The following SORCS3 variants were observed in gnomAD, a reference collection of about 807,000 sequenced individuals.
The protein encoded by SORCS3 is sortilin related VPS10 domain containing receptor 3, also known as VPS10 domain-containing receptor SorCS3.
In SORCS3, 57 loss-of-function variants were observed where a neutral mutation model predicts 146.3. The ratio of observed to expected loss-of-function variants is 0.39; its 90% CI spans 0.31 to 0.49. The LOEUF is 0.49. Ranked by LOEUF, SORCS3 falls within the 20% of genes least tolerant of loss-of-function variation. SORCS3 has a pLI of 0.92. For synonymous variants in SORCS3, 653 were observed against 618.5 expected (o/e 1.06, Z -0.83); for missense variants, 1,341 against 1,575.5 (o/e 0.85, Z 2.52).
rs201732767 is a variant in SORCS3, at chr10:105,257,110, CTCTA to C, written c.3443+192_3443+195del. 4.5e-3 allele frequency among the ~76,000 whole-genome samples: 691 copies of C among 152,280 alleles called. 1 individual carries two copies. Among genetic ancestry groups the C allele is most frequent in the African/African-American group, 0.014 (594 of 41,552 alleles). On this transcript the variant is annotated intron_variant, in intron 25 of 26. Coordinates refer to ENST00000369701, the MANE Select transcript of SORCS3 (RefSeq NM_014978.3). ...GATTAAATGGGTTTGAGACTCTGAA[CTCTA>C]TCTATTATGATTTATAGGTGTAATG...
chr10:104,957,556 C>T (rs898185398), intron 3 of SORCS3, among the ~76,000 whole-genome samples: 3 of 148,758 alleles, frequency 2.0e-5, no homozygotes, highest in Admixed American at 6.7e-5. Flanking sequence ...GGAAAGAAAA[C>T]ACACACACAC....
chr10:105,003,812 C>T (rs2055076346), intron 4 of SORCS3, among the ~76,000 whole-genome samples: 1 of 152,096 alleles, frequency 6.6e-6, no homozygotes, highest in African/African-American at 2.4e-5. Flanking sequence ...TTTATGCCAA[C>T]AGTTCAGCCC....
intron 1 of SORCS3, among the ~76,000 whole-genome samples, chr10:104,834,316 A>T (rs2018041277): frequency 6.6e-6 from 1 of 152,180 alleles, no homozygotes; most frequent in South Asian, 2.1e-4. Flanking sequence ...CTCAAGGCCC[A>T]GTGAGATCTC....
chr10:105,020,387 C>A (rs1034422431), intron 4 of SORCS3, among the ~76,000 whole-genome samples: 7 of 152,182 alleles, frequency 4.6e-5, no homozygotes, highest in Non-Finnish European at 1.0e-4. Flanking sequence ...TATAAACTTA[C>A]AATTTCATCT....
At chr10:104,899,906 T>C (rs1450386591) in intron 2 of SORCS3, among the ~76,000 whole-genome samples, 7 of 152,084 alleles carry the variant, frequency 4.6e-5, no homozygotes, top group Admixed American at 4.6e-4. Context: ...ACATCTAGGA[T>C]GGCCAATGCC....
chr10:105,228,184 C>T lies in SORCS3; in HGVS notation c.2868+4935C>T, dbSNP rs549406944. 7.9e-5 allele frequency among the ~76,000 whole-genome samples: 12 copies of T among 151,952 alleles called. No homozygotes were observed. The South Asian group carries it at 2.3e-3, about 29-fold the overall frequency. On this transcript the variant is annotated intron_variant, in intron 20 of 26. Transcript: ENST00000369701. ...TTGTATACCTTTGTCCCTTTTCTTT[C>T]TCTCTTATTGTTTATCATAGTGGTT...
At chr10:105,203,378 A>G (rs963475147) in intron 16 of SORCS3, among the ~76,000 whole-genome samples, 1 of 152,202 alleles carries the variant, frequency 6.6e-6, no homozygotes, top group African/African-American at 2.4e-5. Context: ...AGGCCACTCA[A>G]AATTATGGCT....
intron 5 of SORCS3, among the ~76,000 whole-genome samples, chr10:105,074,361 G>A (rs956068492): frequency 2.6e-5 from 4 of 152,224 alleles, no homozygotes; most frequent in East Asian, 1.9e-4. Context: ...ATTCCTTGTC[G>A]GAATTTTGAT....
chr10:105,179,112 C>A (rs114163791), intron 14 of SORCS3, among the ~76,000 whole-genome samples: 1 of 152,114 alleles, frequency 6.6e-6, no homozygotes, highest in South Asian at 2.1e-4. Flanking sequence ...TTCTTTGTAA[C>A]TGTATTTATG....
intron 3 of SORCS3, among the ~76,000 whole-genome samples, chr10:104,961,888 G>T (rs1476312196): frequency 6.6e-6 from 1 of 152,078 alleles, no homozygotes; most frequent in Non-Finnish European, 1.5e-5. Flanking sequence ...TATTGAGCAC[G>T]TTCTTCAGGC....
chr10:104,908,932 G>A (rs1001101451), intron 2 of SORCS3, among the ~76,000 whole-genome samples: 3 of 152,190 alleles, frequency 2.0e-5, no homozygotes, highest in East Asian at 1.9e-4. Context: ...TTGACCTGAT[G>A]TGGCAGCCAG....
At chr10:105,013,996 C>G (rs1267852176) in intron 4 of SORCS3, among the ~76,000 whole-genome samples, 1 of 151,002 alleles carries the variant, frequency 6.6e-6, no homozygotes, top group African/African-American at 2.4e-5. Context: ...CACACACACA[C>G]ACACACACAC....
intron 8 of SORCS3, among the ~76,000 whole-genome samples, chr10:105,141,014 G>A (rs1254418549): frequency 6.6e-6 from 1 of 152,194 alleles, no homozygotes; most frequent in Non-Finnish European, 1.5e-5. Flanking sequence ...GGTCTCCCAT[G>A]TTTCTAAGCC....
intron 8 of SORCS3, among the ~76,000 whole-genome samples, chr10:105,142,001 G>A (rs994078072): frequency 6.6e-6 from 1 of 152,108 alleles, no homozygotes; most frequent in African/African-American, 2.4e-5. Flanking sequence ...TTTGGTCTGG[G>A]GGTAATAATA....
At chr10:104,948,897 C>T (rs1028121612) in intron 3 of SORCS3, among the ~76,000 whole-genome samples, 1 of 152,162 alleles carries the variant, frequency 6.6e-6, no homozygotes, top group Non-Finnish European at 1.5e-5. Context: ...TTCCGCCCAG[C>T]TACCCACTAA....
Position 104,641,372 on chromosome 10 carries a change from G to A in SORCS3, c.45G>A (p.Ala15=), listed in dbSNP as rs1313715512. The change falls in exon 1 of 27, where the codon GCG becomes GCA. Residue 15 remains alanine (A), a synonymous_variant. Coordinates refer to ENST00000369701, the MANE Select transcript of SORCS3 (RefSeq NM_014978.3). The surrounding 1 kb of genome is among the most constrained non-coding windows in gnomAD (Gnocchi z 6.4). The part of the protein sequence containing the change: ...RTERPAGRPG[A]PLVRTGLLLL... ...AGCGCCCCGCAGGCAGGCCGGGGGCGCCGCTTGTCCGGACGGGGCTCCTAC... is the reference window on the plus strand; with the variant it reads ...AGCGCCCCGCAGGCAGGCCGGGGGCACCGCTTGTCCGGACGGGGCTCCTAC... The A allele has an allele frequency of 4.2e-6, 6 of 1,418,588 alleles. No individual in the cohort carries two copies. The highest frequency in any genetic ancestry group is 2.9e-5 in the Admixed American group (1 of 34,766). 87.9% of individuals were successfully genotyped at this position (1,418,588 alleles called of 1,614,324 possible). A position where few individuals can be genotyped will look rare whatever the true frequency, so the allele number is the denominator to read the frequency against.
chr10:105,104,983 G>A (rs370768357), intron 6 of SORCS3, among the ~76,000 whole-genome samples: 29 of 152,166 alleles, frequency 1.9e-4, no homozygotes, highest in African/African-American at 6.3e-4. Flanking sequence ...TGTGAATATC[G>A]TTGCCCTTGC....
At chr10:105,022,854 A>G (rs1200094948) in intron 4 of SORCS3, among the ~76,000 whole-genome samples, 2 of 152,218 alleles carry the variant, frequency 1.3e-5, no homozygotes. Flanking sequence ...CTTGAGTTTT[A>G]AAACAGGACT....
intron 1 of SORCS3, among the ~76,000 whole-genome samples, chr10:104,806,835 C>T (rs2017684088): frequency 6.6e-6 from 1 of 152,166 alleles, no homozygotes; most frequent in Non-Finnish European, 1.5e-5. Context: ...CCTTTTCTTT[C>T]TCCTACAAAT....
Sources: allele counts gnomAD v4.1 joint callset (sites outside exome capture counted in the v4.1 genomes callset), GRCh38; gene constraint gnomAD v4.1.1; non-coding constraint Gnocchi (gnomAD v3.1); transcripts MANE v1.5; gene names NCBI Gene and HGNC (gene_info 2026-07-23, HGNC 2026-07-21).